The following ENOX1 variants were observed in gnomAD, a reference collection of about 807,000 sequenced individuals.
ENOX1 encodes candidate growth-related and time keeping constitutive hydroquinone (NADH) oxidase.
ENOX1 carries 42 observed loss-of-function variants against 82.5 expected under a neutral mutation model. That is an observed-to-expected ratio of 0.51 (90% CI 0.40 to 0.66). The LOEUF (loss-of-function observed/expected upper bound fraction) is 0.66, where lower values mean the gene tolerates loss of function less well. Among genes scored for constraint, ENOX1 ranks in the 30% least tolerant of loss-of-function variants. The probability of loss-of-function intolerance (pLI) is 0.00; values close to 1 mark genes in which losing one functional copy is unlikely to be tolerated. For synonymous variants in ENOX1, 271 were observed against 282.2 expected (o/e 0.96, Z 0.40); for missense variants, 608 against 811.6 (o/e 0.75, Z 3.05).
intron 3 of ENOX1, among the ~76,000 whole-genome samples, chr13:43,470,339 TAC>T (rs371062227): frequency 8.5e-5 from 4 of 46,890 alleles, no homozygotes; most frequent in South Asian, 2.6e-3. Flanking sequence ...TGTATATATA[TAC>T]GTATATATAT....
chr13:43,398,360 G>A (rs2053278137), intron 5 of ENOX1, among the ~76,000 whole-genome samples: 1 of 151,960 alleles, frequency 6.6e-6, no homozygotes, highest in Non-Finnish European at 1.5e-5. Flanking sequence ...GCCAAATGAG[G>A]ATTTTTTTGT....
At chr13:43,691,367 G>T (rs2086354493) in intron 1 of ENOX1, among the ~76,000 whole-genome samples, 1 of 150,752 alleles carries the variant, frequency 6.6e-6, no homozygotes, top group East Asian at 1.9e-4. Context: ...AATTTCTCTG[G>T]AATCCATCCT....
intron 2 of ENOX1, among the ~76,000 whole-genome samples, chr13:43,553,163 A>C (rs2079279702): frequency 6.6e-6 from 1 of 152,312 alleles, no homozygotes; most frequent in Non-Finnish European, 1.5e-5. Flanking sequence ...TGGCACACAA[A>C]AACGAAATAC....
rs1566641461 is a variant in ENOX1, at chr13:43,616,153, G to GATATCTATAGATCT, written c.-219+51325_-219+51326insAGATCTATAGATAT. On this transcript the variant is annotated intron_variant, in intron 2 of 16. Coordinates refer to ENST00000690772, the MANE Select transcript of ENOX1 (RefSeq NM_001347969.2). ...ATCTATCTATCTAGATATCTATATAGATAGATATCTATCTATCTATCTATC... is the reference window on the plus strand; with the variant it reads ...ATCTATCTATCTAGATATCTATATAGATATCTATAGATCTATAGATATCTATCTATCTATCTATC... Among the ~76,000 whole-genome samples the GATATCTATAGATCT allele has an allele frequency of 1.5e-3, 24 of 16,400 alleles. 3 individuals carry two copies. The highest frequency in any genetic ancestry group is 5.3e-3 in the South Asian group (2 of 380). 10.8% of individuals were successfully genotyped at this position (16,400 alleles called of 152,430 possible). A position where few individuals can be genotyped will look rare whatever the true frequency, so the allele number is the denominator to read the frequency against.
intron 1 of ENOX1, among the ~76,000 whole-genome samples, chr13:43,684,074 C>T (rs530329612): frequency 8.8e-5 from 10 of 113,422 alleles, no homozygotes; most frequent in African/African-American, 2.8e-4. Flanking sequence ...CCAGCCTGGG[C>T]GAAAGAGCGA....
At chr13:43,410,273 GT>G (rs1333317730) in intron 5 of ENOX1, among the ~76,000 whole-genome samples, 1 of 152,180 alleles carries the variant, frequency 6.6e-6, no homozygotes, top group Non-Finnish European at 1.5e-5. Context: ...CTGGGGAAAT[GT>G]GGGTGGAAAA....
chr13:43,523,956 A>C (rs2077882679), intron 2 of ENOX1, among the ~76,000 whole-genome samples: 1 of 152,154 alleles, frequency 6.6e-6, no homozygotes, highest in Non-Finnish European at 1.5e-5. Context: ...TTAATTTTTT[A>C]GTCCATTACT....
intron 2 of ENOX1, among the ~76,000 whole-genome samples, chr13:43,504,636 A>T (rs903980691): frequency 1.3e-5 from 2 of 151,740 alleles, no homozygotes; most frequent in African/African-American, 4.8e-5. Context: ...AAAAGCAGAT[A>T]GAATGGTGGT....
intron 2 of ENOX1, among the ~76,000 whole-genome samples, chr13:43,540,294 A>T (rs1264481299): frequency 1.3e-5 from 2 of 152,216 alleles, no homozygotes; most frequent in Non-Finnish European, 2.9e-5. Flanking sequence ...TATTATGAGG[A>T]TTAAACACAT....
chr13:43,292,971 C>T (rs1310014352), intron 12 of ENOX1, among the ~76,000 whole-genome samples: 1 of 151,836 alleles, frequency 6.6e-6, no homozygotes, highest in Non-Finnish European at 1.5e-5. Flanking sequence ...AAGTCACCAT[C>T]CTTGCCACAG....
chr13:43,228,089 T>C (rs1566283295), intron 15 of ENOX1, among the ~76,000 whole-genome samples: 1 of 147,372 alleles, frequency 6.8e-6, no homozygotes, highest in Non-Finnish European at 1.5e-5. Context: ...TAAAGCCTCT[T>C]TGCAGCTTTT....
At chr13:43,733,865 A>G (rs1193692539) in intron 1 of ENOX1, among the ~76,000 whole-genome samples, 2 of 152,282 alleles carry the variant, frequency 1.3e-5, no homozygotes, top group East Asian at 1.9e-4. Flanking sequence ...TGGTAAACCT[A>G]TAAGAGAGAA....
intron 3 of ENOX1, among the ~76,000 whole-genome samples, chr13:43,445,341 T>C (rs182697052): frequency 1.6e-4 from 25 of 152,184 alleles, no homozygotes; most frequent in African/African-American, 2.4e-4. Context: ...GCCAGGATGG[T>C]CTTGATCTCC....
At chr13:43,619,953 G>T (rs1329373283) in intron 2 of ENOX1, among the ~76,000 whole-genome samples, 3 of 151,970 alleles carry the variant, frequency 2.0e-5, no homozygotes, top group African/African-American at 7.2e-5. Flanking sequence ...TCTGTTCAGG[G>T]TATCTAACTC....
At chr13:43,273,894 G>T (rs2044843463) in intron 12 of ENOX1, among the ~76,000 whole-genome samples, 1 of 152,054 alleles carries the variant, frequency 6.6e-6, no homozygotes, top group Non-Finnish European at 1.5e-5. Flanking sequence ...TCAATGATTA[G>T]GTTACCTCTA....
chr13:43,418,963 A>G (rs188110095), intron 3 of ENOX1, among the ~76,000 whole-genome samples: 6 of 152,250 alleles, frequency 3.9e-5, no homozygotes, highest in African/African-American at 1.4e-4. Flanking sequence ...CAGGATCACA[A>G]GATCAGGAAT....
At chr13:43,403,498 A>G (rs1444967127) in intron 5 of ENOX1, among the ~76,000 whole-genome samples, 1 of 152,208 alleles carries the variant, frequency 6.6e-6, no homozygotes, top group African/African-American at 2.4e-5. Flanking sequence ...GGGATAGGCC[A>G]AAGCAAATCT....
At chr13:43,522,317 C>A in intron 2 of ENOX1, among the ~76,000 whole-genome samples, 1 of 152,068 alleles carries the variant, frequency 6.6e-6, no homozygotes, top group South Asian at 2.1e-4. Flanking sequence ...GTGTACTGGG[C>A]TTAATAAAAA....
chr13:43,259,262 G>GCTGCCTCCCTCAAT (rs1383180414), intron 14 of ENOX1, among the ~76,000 whole-genome samples: 1 of 152,166 alleles, frequency 6.6e-6, no homozygotes, highest in Non-Finnish European at 1.5e-5. Context: ...TCTACACTCT[G>GCTGCCTCCCTCAAT]CTGCCTCCCT....
Sources: gnomAD v4.1 joint callset for allele counts (sites outside exome capture counted in the v4.1 genomes callset) on GRCh38, gnomAD v4.1.1 for gene constraint, MANE v1.5 for transcripts, NCBI Gene and HGNC (gene_info 2026-07-23, HGNC 2026-07-21) for gene names.